The following HECTD2 variants were observed in gnomAD, a reference collection of about 807,000 sequenced individuals.
HECTD2 encodes the protein HECT domain E3 ubiquitin protein ligase 2.
HECTD2 carries 35 observed loss-of-function variants against 103.2 expected under a neutral mutation model. That is an observed-to-expected ratio of 0.34 (90% confidence interval 0.26 to 0.45). The LOEUF is 0.45. HECTD2 is among the 20% of genes least tolerant of loss of function. HECTD2 has a pLI of 1.00. For synonymous variants in HECTD2, 281 were observed against 329.9 expected, an observed-to-expected ratio of 0.85 and a Z score of 1.61; for missense variants, 596 against 937.4, an observed-to-expected ratio of 0.64 and a Z score of 4.76.
Position 91,425,230 on chromosome 10 carries a change from A to G in HECTD2, c.139-51A>G, listed in dbSNP as rs570972958. 111 of 1,325,962 alleles carry G rather than the reference A, an allele frequency of 8.4e-5. 1 individual carries two copies. The South Asian group carries it at 2.0e-3, about 24-fold the overall frequency. The allele number at this position is 1,325,962 out of a possible 1,614,324, so 82.1% of individuals were successfully genotyped here. A position where few individuals can be genotyped will look rare whatever the true frequency, so the allele number is the denominator to read the frequency against. On this transcript the variant is annotated intron_variant, in intron 1 of 20. Coordinates refer to ENST00000298068, the MANE Select transcript of HECTD2 (RefSeq NM_182765.6). ...ATGTTTGTGATTTTTGCAATAAAATAATTTATAGGTAGTAGGAAGTATACT... is the reference window on the plus strand; with the variant it reads ...ATGTTTGTGATTTTTGCAATAAAATGATTTATAGGTAGTAGGAAGTATACT...
chr10:91,459,285 G>A (rs1845241928), intron 2 of HECTD2, among the ~76,000 whole-genome samples: 1 of 151,982 alleles, frequency 6.6e-6, no homozygotes, highest in Admixed American at 6.6e-5. Flanking sequence ...AGCCACTCTG[G>A]AAAACAAGTT....
chr10:91,416,162 T>C (rs1843119124), intron 1 of HECTD2, among the ~76,000 whole-genome samples: 1 of 152,176 alleles, frequency 6.6e-6, no homozygotes, highest in Non-Finnish European at 1.5e-5. Context: ...TCATTATAAA[T>C]TGTGAGCCAG....
chr10:91,444,931 C>T (rs999236626), intron 2 of HECTD2, among the ~76,000 whole-genome samples: 1 of 152,146 alleles, frequency 6.6e-6, no homozygotes, highest in African/African-American at 2.4e-5. Context: ...TTTTCCCTTT[C>T]TTTTAATATA....
intron 1 of HECTD2, among the ~76,000 whole-genome samples, chr10:91,411,010 C>T (rs11186560): frequency 0.2 from 30,458 of 152,060 alleles, 7,250 homozygotes; most frequent in African/African-American, 0.58. Context: ...CTTTTCTTTC[C>T]CTTCCCCCTT....
At chr10:91,472,545 G>T (rs1038558352) in intron 5 of HECTD2, among the ~76,000 whole-genome samples, 9 of 152,230 alleles carry the variant, frequency 5.9e-5, no homozygotes, top group African/African-American at 1.9e-4. Context: ...GAAAATATTT[G>T]CAAACTATGC....
In HECTD2 at chr10:91,512,386, C is replaced by A. The variant is rs373251356; in HGVS notation, c.*2C>A. 1.9e-6 allele frequency: 3 copies of A among 1,611,436 alleles called. No individual in the cohort carries two copies. In the East Asian group the frequency reaches 6.7e-5, roughly 36 times the overall value. Reference sequence around the variant, plus strand: ...TCAGAAGGTTTTGGACTTGAGTAACCTAGAAGACTTGAAATATAATCTTTT... The same window carrying A: ...TCAGAAGGTTTTGGACTTGAGTAACATAGAAGACTTGAAATATAATCTTTT... On this transcript the variant is annotated 3_prime_UTR_variant, in exon 21 of 21. Coordinates refer to ENST00000298068, the MANE Select transcript of HECTD2 (RefSeq NM_182765.6).
Position 91,481,136 on chromosome 10 carries a change from A to G in HECTD2, c.708A>G (p.Leu236=). The change falls in exon 7 of 21, where the codon TTA becomes TTG. Residue 236 remains leucine (L), a synonymous_variant. Coordinates refer to ENST00000298068, the MANE Select transcript of HECTD2 (RefSeq NM_182765.6). ...KDDLRAYFIL[L]QNPQFNNTST... ...ATCTTAGAGCATATTTTATACTTTT[A>G]CAGGTAAGAGAACCAGAACCTAGTT... 6.6e-7 allele frequency: 1 copy of G among 1,523,392 alleles called. No homozygotes were observed. The highest frequency in any genetic ancestry group is 9.0e-7 in the Non-Finnish European group (1 of 1,115,248). The allele number at this position is 1,523,392 out of a possible 1,614,324, so 94.4% of individuals were successfully genotyped here. A position where few individuals can be genotyped will look rare whatever the true frequency, so the allele number is the denominator to read the frequency against.
At chr10:91,484,470 T>C (rs777025800) in intron 8 of HECTD2, 37 bp from the exon 9 acceptor site, 1 of 1,586,834 alleles carries the variant, frequency 6.3e-7, no homozygotes, top group East Asian at 2.2e-5. Context: ...ATAGAAAATG[T>C]GAATTTTGAT....
At chr10:91,421,509 T>C (rs1466267182) in intron 1 of HECTD2, among the ~76,000 whole-genome samples, 1 of 151,876 alleles carries the variant, frequency 6.6e-6, no homozygotes, top group Non-Finnish European at 1.5e-5. Flanking sequence ...AAAGAAAAAA[T>C]CACAAAAAAA....
chr10:91,445,836 G>A (rs1844585660), intron 2 of HECTD2, among the ~76,000 whole-genome samples: 1 of 152,044 alleles, frequency 6.6e-6, no homozygotes, highest in Non-Finnish European at 1.5e-5. Context: ...GTGCCCTGAG[G>A]AACGGTGCAC....
intron 10 of HECTD2, chr10:91,486,392 G>T (rs966581248): frequency 6.6e-6 from 1 of 152,054 alleles, no homozygotes; most frequent in Admixed American, 6.6e-5. Flanking sequence ...ACAAAACAGC[G>T]CCAAGAATTA....
At chr10:91,410,319 CAGCGGCGGCTAGA>C (rs543267078), upstream of HECTD2, 1 of 438,234 alleles carries the variant, frequency 2.3e-6, no homozygotes, top group Non-Finnish European at 3.1e-6. Context: ...GTGGCGGCGG[CAGCGGCGGCTAGA>C]AGCGGCAGCC....
rs1844658462 is a variant in HECTD2 at position 91,448,929 on chromosome 10, G to A, written c.269-11498G>A. Reference sequence around the variant, plus strand: ...AAGCCCAGGACCAGACAGATTGACAGGTGAATTCTACCAGAGATACAAAGA... The same window carrying A: ...AAGCCCAGGACCAGACAGATTGACAAGTGAATTCTACCAGAGATACAAAGA... On this transcript the variant is annotated intron_variant, in intron 2 of 20. Coordinates refer to ENST00000298068, the MANE Select transcript of HECTD2 (RefSeq NM_182765.6). 3.9e-5 allele frequency among the ~76,000 whole-genome samples: 4 copies of A among 102,294 alleles called. No individual in the cohort carries two copies. In the South Asian group the frequency reaches 1.7e-3, roughly 43 times the overall value. 67.1% of individuals were successfully genotyped at this position (102,294 alleles called of 152,430 possible).
At chr10:91,421,726 A>C (rs1174121424) in intron 1 of HECTD2, among the ~76,000 whole-genome samples, 1 of 152,166 alleles carries the variant, frequency 6.6e-6, no homozygotes, top group Non-Finnish European at 1.5e-5. Context: ...TTTAGTAGTT[A>C]CTCACAAATC....
rs1238908813 is a variant in HECTD2, at chr10:91,513,883, G to A, written c.*1499G>A. Reference sequence around the variant, plus strand: ...CTGAAGCCAACCCACAAATCTTTGAGGAAAAGGGGTCACTTTGTTTACTAT... The same window carrying A: ...CTGAAGCCAACCCACAAATCTTTGAAGAAAAGGGGTCACTTTGTTTACTAT... On this transcript the variant is annotated 3_prime_UTR_variant, in exon 21 of 21. Coordinates refer to ENST00000298068, the MANE Select transcript of HECTD2 (RefSeq NM_182765.6). 1 of 152,554 alleles carries A rather than the reference G, an allele frequency of 6.6e-6. No homozygotes were observed. Among genetic ancestry groups the A allele is most frequent in the African/African-American group, 2.4e-5 (1 of 41,408 alleles). The allele number at this position is 152,554 out of a possible 1,614,324, so 9.5% of individuals were successfully genotyped here.
rs961875269 is a variant in HECTD2, at chr10:91,410,371, C to A, written c.-68C>A. The A allele has an allele frequency of 5.6e-6, 6 of 1,066,324 alleles. No individual in the cohort carries two copies. The highest frequency in any genetic ancestry group is 4.8e-6 in the Non-Finnish European group (4 of 838,638). 66.1% of individuals were successfully genotyped at this position (1,066,324 alleles called of 1,614,324 possible). A position where few individuals can be genotyped will look rare whatever the true frequency, so the allele number is the denominator to read the frequency against. ...AGCCCTCTCGCGGCCGCGGCGGCAG[C>A]AGCAGCGCCAGCCCCAGCAACACTG... On this transcript the variant is annotated 5_prime_UTR_variant, in exon 1 of 21. Transcript: ENST00000298068.
intron 1 of HECTD2, among the ~76,000 whole-genome samples, chr10:91,423,822 G>A (rs889160039): frequency 6.6e-6 from 1 of 152,136 alleles, no homozygotes; most frequent in Non-Finnish European, 1.5e-5. Context: ...GACAAGCTCT[G>A]TGATGAACTT....
At position 91,487,508 on chromosome 10, in the gene HECTD2, T is replaced by G. The variant is rs1464307190; in HGVS notation, c.1095-174T>G. On this transcript the variant is annotated intron_variant, in intron 10 of 20. Coordinates refer to ENST00000298068, the MANE Select transcript of HECTD2 (RefSeq NM_182765.6). The surrounding 1 kb of genome is among the most constrained non-coding windows in gnomAD (Gnocchi z 4.1). ...TGCACATCTAGTAATGATACATTCTTCACATGGCTGTGAGAATTAAAAGAA... is the reference window on the plus strand; with the variant it reads ...TGCACATCTAGTAATGATACATTCTGCACATGGCTGTGAGAATTAAAAGAA... 3.0e-6 allele frequency: 2 copies of G among 659,810 alleles called. No individual in the cohort carries two copies. The highest frequency in any genetic ancestry group is 3.6e-5 in the African/African-American group (2 of 55,650). 40.9% of individuals were successfully genotyped at this position (659,810 alleles called of 1,614,324 possible).
chr10:91,475,540 A>G (rs1845871109), intron 5 of HECTD2, among the ~76,000 whole-genome samples: 1 of 152,188 alleles, frequency 6.6e-6, no homozygotes, highest in Admixed American at 6.5e-5. Context: ...GACTTTAATA[A>G]GAGTCTAGTA....
Sources: allele counts gnomAD v4.1 joint callset (sites outside exome capture counted in the v4.1 genomes callset), GRCh38; gene constraint gnomAD v4.1.1; non-coding constraint Gnocchi (gnomAD v3.1); transcripts MANE v1.5; gene names NCBI Gene and HGNC (gene_info 2026-07-23, HGNC 2026-07-21).